Variants in CSMD1 observed in about 807,000 individuals in gnomAD.
CSMD1 encodes CUB and sushi domain-containing protein 1.
Under a neutral mutation model 417.5 loss-of-function variants are expected in CSMD1, and 213 were observed. The observed-to-expected ratio is 0.51, with a 90% confidence interval of 0.46 to 0.57. The LOEUF (loss-of-function observed/expected upper bound fraction) is 0.57. CSMD1 is among the 20% of genes least tolerant of loss of function. The probability of loss-of-function intolerance (pLI) is 0.00; values close to 1 mark genes in which losing one functional copy is unlikely to be tolerated. For synonymous variants in CSMD1, 2,862 were observed against 1,736.8 expected, an observed-to-expected ratio of 1.65 and a Z score of -16.11; for missense variants, 6,923 against 4,529.7, an observed-to-expected ratio of 1.53 and a Z score of -15.17.
At chr8:4,249,496 C>T (rs1236030535) in intron 3 of CSMD1, among the ~76,000 whole-genome samples, 6 of 152,228 alleles carry the variant, frequency 3.9e-5, no homozygotes, top group East Asian at 1.9e-4. Context: ...TTATTTAATG[C>T]GGAAGGATGT....
chr8:4,509,077 G>A (rs1019985954), intron 2 of CSMD1, among the ~76,000 whole-genome samples: 1 of 151,986 alleles, frequency 6.6e-6, no homozygotes, highest in African/African-American at 2.4e-5. Context: ...AGAGGAGAGT[G>A]AAGAATAAGG....
intron 2 of CSMD1, among the ~76,000 whole-genome samples, chr8:4,518,187 T>C (rs1392045729): frequency 1.3e-5 from 2 of 152,136 alleles, no homozygotes; most frequent in Admixed American, 6.5e-5. Flanking sequence ...ACGAATGATA[T>C]TCATGTGGGC....
At chr8:3,882,488 C>G (rs975492628) in intron 5 of CSMD1, among the ~76,000 whole-genome samples, 1 of 152,186 alleles carries the variant, frequency 6.6e-6, no homozygotes, top group Non-Finnish European at 1.5e-5. Flanking sequence ...TTTTGCAAAA[C>G]TATTAGACTC....
At chr8:3,710,266 G>A (rs1801433361) in intron 6 of CSMD1, among the ~76,000 whole-genome samples, 1 of 152,028 alleles carries the variant, frequency 6.6e-6, no homozygotes, top group Non-Finnish European at 1.5e-5. Flanking sequence ...TTAAACCTAT[G>A]CTGCTCAAGG....
At chr8:3,619,128 C>A (rs909701708) in intron 7 of CSMD1, among the ~76,000 whole-genome samples, 8 of 147,262 alleles carry the variant, frequency 5.4e-5, no homozygotes, top group African/African-American at 2.2e-4. Flanking sequence ...ATCTAAGGTC[C>A]CAATGAGAAG....
chr8:4,087,631 G>C (rs556955822), intron 3 of CSMD1, among the ~76,000 whole-genome samples: 1 of 151,758 alleles, frequency 6.6e-6, no homozygotes, highest in South Asian at 2.1e-4. Flanking sequence ...TTTCTTCTTC[G>C]ATACTCTCAC....
chr8:3,017,041 G>C (rs186749382), intron 52 of CSMD1, among the ~76,000 whole-genome samples: 2 of 152,218 alleles, frequency 1.3e-5, no homozygotes, highest in Non-Finnish European at 1.5e-5. Flanking sequence ...ACCAACGAAG[G>C]CCTTTCCTGC....
At chr8:3,375,798 C>A (rs965812029) in intron 18 of CSMD1, among the ~76,000 whole-genome samples, 1 of 152,236 alleles carries the variant, frequency 6.6e-6, no homozygotes, top group East Asian at 1.9e-4. Context: ...GGCCATAGAC[C>A]AGCACTCGAG....
chr8:3,933,972 C>G (rs900108591), intron 5 of CSMD1, among the ~76,000 whole-genome samples: 31 of 152,076 alleles, frequency 2.0e-4, no homozygotes, highest in Admixed American at 2.6e-4. Context: ...CACAGTCGGG[C>G]TAGTGAAGTG....
At chr8:4,064,761 A>T (rs2552086) in intron 3 of CSMD1, among the ~76,000 whole-genome samples, 90 of 152,286 alleles carry the variant, frequency 5.9e-4, no homozygotes, top group African/African-American at 2.0e-3. Flanking sequence ...ACTGCTGTGG[A>T]AACAATCCAG....
At chr8:4,019,323 C>G (rs1483089876) in intron 4 of CSMD1, among the ~76,000 whole-genome samples, 3 of 152,204 alleles carry the variant, frequency 2.0e-5, no homozygotes, top group Non-Finnish European at 4.4e-5. Context: ...TTCTGTGTCT[C>G]TCTCTTGCTT....
At chr8:4,187,045 C>A (rs1444186895) in intron 3 of CSMD1, among the ~76,000 whole-genome samples, 2 of 151,986 alleles carry the variant, frequency 1.3e-5, no homozygotes, top group Non-Finnish European at 2.9e-5. Flanking sequence ...AGTTTTAATG[C>A]CCATATAAAT....
intron 2 of CSMD1, among the ~76,000 whole-genome samples, chr8:4,433,539 A>G (rs368613965): frequency 6.6e-6 from 1 of 152,164 alleles, no homozygotes; most frequent in Admixed American, 6.5e-5. Flanking sequence ...GCCGGCAAGA[A>G]AAACCTTGTG....
intron 4 of CSMD1, among the ~76,000 whole-genome samples, chr8:4,012,820 C>T (rs1384077970): frequency 6.6e-6 from 1 of 152,146 alleles, no homozygotes; most frequent in South Asian, 2.1e-4. Flanking sequence ...TAACTCCATT[C>T]TTCCAGTGTT....
At chr8:4,923,896 T>G (rs184914171) in intron 1 of CSMD1, among the ~76,000 whole-genome samples, 3 of 152,228 alleles carry the variant, frequency 2.0e-5, no homozygotes, top group African/African-American at 7.2e-5. Flanking sequence ...TTTATCTGTA[T>G]AGGTTTCTTT....
intron 1 of CSMD1, among the ~76,000 whole-genome samples, chr8:4,873,178 G>C (rs922697329): frequency 6.6e-6 from 1 of 152,110 alleles, no homozygotes; most frequent in African/African-American, 2.4e-5. Flanking sequence ...AAAATGATAG[G>C]AGGTGGCAAC....
At chr8:4,720,939 T>TCAC (rs1273571008) in intron 1 of CSMD1, among the ~76,000 whole-genome samples, 1 of 152,250 alleles carries the variant, frequency 6.6e-6, no homozygotes, top group East Asian at 1.9e-4. Context: ...AATCTACAAT[T>TCAC]CACCAGCTCT....
intron 6 of CSMD1, among the ~76,000 whole-genome samples, chr8:3,737,868 T>G (rs978967168): frequency 6.6e-6 from 1 of 152,242 alleles, no homozygotes; most frequent in Non-Finnish European, 1.5e-5. Context: ...GTCAGCCTTA[T>G]TTAGTCTTTG....
chr8:4,386,213 G>A (rs1803443605), intron 3 of CSMD1, among the ~76,000 whole-genome samples: 1 of 151,418 alleles, frequency 6.6e-6, no homozygotes, highest in African/African-American at 2.4e-5. Flanking sequence ...CCCTGGTTAT[G>A]ACTTCCATCC....
Sources: gnomAD v4.1 joint callset for allele counts (sites outside exome capture counted in the v4.1 genomes callset) on GRCh38, gnomAD v4.1.1 for gene constraint, MANE v1.5 for transcripts, NCBI Gene and HGNC (gene_info 2026-07-23, HGNC 2026-07-21) for gene names.